Variants in RSRC1 observed in about 807,000 individuals in gnomAD.
The protein encoded by RSRC1 is serine/Arginine-related protein 53.
RSRC1 carries 39 observed loss-of-function variants against 49.1 expected under a neutral mutation model. The ratio of observed to expected loss-of-function variants is 0.79; its 90% CI spans 0.61 to 1.04. The LOEUF (loss-of-function observed/expected upper bound fraction) is 1.04. RSRC1 is among the 50% of genes least tolerant of loss of function. The pLI is 0.00. For missense variants in RSRC1, 388 were observed against 402.4 expected, an observed-to-expected ratio of 0.96 and a Z score of 0.31; for synonymous variants, 143 against 130.8, an observed-to-expected ratio of 1.09 and a Z score of -0.63.
At chr3:158,371,365 C>G (rs957383662) in intron 6 of RSRC1, among the ~76,000 whole-genome samples, 6 of 151,696 alleles carry the variant, frequency 4.0e-5, no homozygotes, top group Admixed American at 1.3e-4. Flanking sequence ...TATCATTCCC[C>G]CAAATTCCCC....
chr3:158,146,105 T>C (rs1024767289), intron 3 of RSRC1, among the ~76,000 whole-genome samples: 2 of 152,152 alleles, frequency 1.3e-5, no homozygotes, highest in African/African-American at 4.8e-5. Flanking sequence ...CTTTTCCTAA[T>C]TGAATACCCT....
At chr3:158,514,400 G>T (rs1326693048) in intron 7 of RSRC1, among the ~76,000 whole-genome samples, 3 of 152,160 alleles carry the variant, frequency 2.0e-5, no homozygotes, top group African/African-American at 4.8e-5. Flanking sequence ...GGAGCAGTTT[G>T]TTCAGTTTCC....
At chr3:158,528,412 A>T (rs1712177335) in intron 7 of RSRC1, among the ~76,000 whole-genome samples, 1 of 151,884 alleles carries the variant, frequency 6.6e-6, no homozygotes, top group African/African-American at 2.4e-5. Context: ...GACAAGGGTA[A>T]ATTGAGCATT....
At chr3:158,425,595 A>G (rs1393920431) in intron 6 of RSRC1, among the ~76,000 whole-genome samples, 1 of 151,914 alleles carries the variant, frequency 6.6e-6, no homozygotes, top group Non-Finnish European at 1.5e-5. Flanking sequence ...GATGTCTATT[A>G]GGTCCGCTTG....
chr3:158,135,622 C>T (rs1470615054), intron 3 of RSRC1, among the ~76,000 whole-genome samples: 1 of 151,852 alleles, frequency 6.6e-6, no homozygotes, highest in African/African-American at 2.4e-5. Flanking sequence ...GGAGTTTTCC[C>T]TCCAATTTTT....
chr3:158,253,941 G>A (rs1299534124), intron 4 of RSRC1, among the ~76,000 whole-genome samples: 4 of 152,076 alleles, frequency 2.6e-5, no homozygotes, highest in African/African-American at 9.7e-5. Context: ...ACAGGCCCTG[G>A]TGTGTGATGT....
chr3:158,541,303 T>G (rs1713018464), intron 8 of RSRC1, among the ~76,000 whole-genome samples: 1 of 152,192 alleles, frequency 6.6e-6, no homozygotes. Context: ...TGTTTTTCCC[T>G]TCCTGATCCC....
At chr3:158,377,749 C>T (rs1408313753) in intron 6 of RSRC1, among the ~76,000 whole-genome samples, 6 of 151,900 alleles carry the variant, frequency 3.9e-5, no homozygotes, top group African/African-American at 1.2e-4. Context: ...AACCTCCGCC[C>T]CCTGGGTTCA....
chr3:158,215,975 G>C (rs1160293788), intron 4 of RSRC1, among the ~76,000 whole-genome samples: 1 of 151,302 alleles, frequency 6.6e-6, no homozygotes, highest in Non-Finnish European at 1.5e-5. Context: ...GCTTCTGCTT[G>C]AGATAATTTT....
At chr3:158,195,942 G>A (rs1445276780) in intron 3 of RSRC1, among the ~76,000 whole-genome samples, 1 of 151,942 alleles carries the variant, frequency 6.6e-6, no homozygotes, top group Non-Finnish European at 1.5e-5. Flanking sequence ...GATGCCTCCA[G>A]CTTTGTTCTT....
rs1446406920 is a variant in RSRC1 at position 158,120,607 on chromosome 3, ATAT to A, written c.-2-1494_-2-1492del. ...GTTAATATTAAGTATTATATAGTTA[ATAT>A]TTAATATATAATATATTTAATGTTA... On this transcript the variant is annotated intron_variant, in intron 1 of 9. Transcript: ENST00000611884. 2.7e-5 allele frequency among the ~76,000 whole-genome samples: 4 copies of A among 147,210 alleles called. No individual in the cohort carries two copies. In the South Asian group the frequency reaches 8.3e-4, roughly 31 times the overall value.
intron 4 of RSRC1, among the ~76,000 whole-genome samples, chr3:158,209,016 C>A (rs1721509510): frequency 6.6e-6 from 1 of 152,134 alleles, no homozygotes; most frequent in Non-Finnish European, 1.5e-5. Context: ...ATGTAAGTAG[C>A]CACTAGTGAT....
intron 6 of RSRC1, among the ~76,000 whole-genome samples, chr3:158,396,931 C>G (rs1055233024): frequency 2.0e-5 from 3 of 152,014 alleles, no homozygotes; most frequent in African/African-American, 7.2e-5. Flanking sequence ...TTTATTAACC[C>G]CATTTTACAT....
At chr3:158,118,158 G>A (rs561575134) in intron 1 of RSRC1, among the ~76,000 whole-genome samples, 1 of 151,894 alleles carries the variant, frequency 6.6e-6, no homozygotes, top group African/African-American at 2.4e-5. Flanking sequence ...CCATGTTGGC[G>A]GGGCTGGTCT....
In RSRC1 at chr3:158,384,182, T is replaced by C. The variant is rs1437884163; in HGVS notation, c.583+29274T>C. Among the ~76,000 whole-genome samples, 4 of 152,090 alleles carry C rather than the reference T, an allele frequency of 2.6e-5. No individual in the cohort carries two copies. In the East Asian group the frequency reaches 5.8e-4, roughly 22 times the overall value. On this transcript the variant is annotated intron_variant, in intron 6 of 9. Coordinates refer to ENST00000611884, the MANE Select transcript of RSRC1 (RefSeq NM_001271838.2). ...GAGTTGAAATGGGGGAATGACATAATGAATCAGGAACAGGTAAGACATCAA... is the reference window on the plus strand; with the variant it reads ...GAGTTGAAATGGGGGAATGACATAACGAATCAGGAACAGGTAAGACATCAA...
intron 7 of RSRC1, among the ~76,000 whole-genome samples, chr3:158,470,499 G>GT (rs1738090240): frequency 6.6e-6 from 1 of 152,052 alleles, no homozygotes; most frequent in Admixed American, 6.6e-5. Context: ...CAAGATGATG[G>GT]TGGGGGGTGG....
chr3:158,217,451 C>G (rs937649186), intron 4 of RSRC1, among the ~76,000 whole-genome samples: 4 of 151,536 alleles, frequency 2.6e-5, no homozygotes, highest in Non-Finnish European at 3.0e-5. Flanking sequence ...AATTTGCTCA[C>G]CAGTCTTCAT....
intron 3 of RSRC1, among the ~76,000 whole-genome samples, chr3:158,195,485 A>C: frequency 6.6e-6 from 1 of 152,046 alleles, no homozygotes; most frequent in Non-Finnish European, 1.5e-5. Context: ...TTTGCTGTGC[A>C]GAAGCTCTTT....
At chr3:158,354,507 C>T (rs1223697161) in intron 5 of RSRC1, among the ~76,000 whole-genome samples, 2 of 152,160 alleles carry the variant, frequency 1.3e-5, no homozygotes, top group African/African-American at 2.4e-5. Context: ...TTTAAATTCT[C>T]ATAGATTGCT....
Sources: gnomAD v4.1 joint callset for allele counts (sites outside exome capture counted in the v4.1 genomes callset) on GRCh38, gnomAD v4.1.1 for gene constraint, MANE v1.5 for transcripts, NCBI Gene and HGNC (gene_info 2026-07-23, HGNC 2026-07-21) for gene names.